Variants in CCDC171 observed in about 807,000 individuals in gnomAD.
CCDC171 encodes the protein coiled-coil domain-containing protein 171.
CCDC171 carries 177 observed loss-of-function variants against 168.2 expected under a neutral mutation model. The observed-to-expected ratio is 1.05, with a 90% CI of 0.93 to 1.19. The LOEUF is 1.19. CCDC171 is among the 50% of genes most tolerant of loss of function. The pLI is 0.00. For missense variants in CCDC171, 1,991 were observed against 1,539.0 expected, an observed-to-expected ratio of 1.29 and a Z score of -4.91; for synonymous variants, 687 against 540.8, an observed-to-expected ratio of 1.27 and a Z score of -3.75.
At chr9:16,015,132 G>T (rs1250897992) in intron 3 of CCDC171, among the ~76,000 whole-genome samples, 1 of 152,086 alleles carries the variant, frequency 6.6e-6, no homozygotes, top group Non-Finnish European at 1.5e-5. Context: ...AAAATCTGTT[G>T]TGTAGTATAG....
chr9:15,944,595 G>A (rs1486581434), intron 25 of CCDC171, among the ~76,000 whole-genome samples: 3 of 151,876 alleles, frequency 2.0e-5, no homozygotes, highest in African/African-American at 7.3e-5. Context: ...GCAAATATTT[G>A]AACACAGGCA....
intron 9 of CCDC171, among the ~76,000 whole-genome samples, chr9:15,670,779 A>G (rs539895959): frequency 1.3e-5 from 2 of 152,128 alleles, no homozygotes; most frequent in African/African-American, 4.8e-5. Flanking sequence ...TTATGTAACA[A>G]GAAACTTTGT....
chr9:15,902,327 C>T (rs1821820206), intron 24 of CCDC171, among the ~76,000 whole-genome samples: 1 of 150,446 alleles, frequency 6.6e-6, no homozygotes, highest in South Asian at 2.1e-4. Context: ...AATTTTCTAG[C>T]CACAGTGTCT....
At chr9:15,920,458 T>G (rs1013429024) in intron 25 of CCDC171, 36 bp downstream of exon 25, 2 of 1,462,190 alleles carry the variant, frequency 1.4e-6, no homozygotes, top group Non-Finnish European at 1.9e-6. Flanking sequence ...TATAACTTTT[T>G]GAATCTTGGG....
intron 9 of CCDC171, among the ~76,000 whole-genome samples, chr9:15,672,849 G>C (rs1225493075): frequency 6.6e-6 from 1 of 152,104 alleles, no homozygotes. Context: ...CTCTTTTTTG[G>C]TTCCATATGA....
In CCDC171 at chr9:15,726,745, T is replaced by A. The variant is rs79086274; in HGVS notation, c.1693-1124T>A. Among the ~76,000 whole-genome samples, 1,180 of 152,238 alleles carry A rather than the reference T, an allele frequency of 7.8e-3. 8 individuals carry two copies. Among genetic ancestry groups the A allele is most frequent in the Non-Finnish European group, 0.013 (873 of 67,996 alleles). On this transcript the variant is annotated intron_variant, in intron 14 of 25. Coordinates refer to ENST00000380701, the MANE Select transcript of CCDC171 (RefSeq NM_173550.4). ...TTTACATATGCTATATTCAGTTTTT[T>A]AAAAATCTATAATAGACTTTCTAAA... is the stretch of plus-strand genomic sequence containing the variant.
intron 6 of CCDC171, among the ~76,000 whole-genome samples, chr9:16,031,240 T>G (rs1007105535): frequency 1.3e-5 from 2 of 152,214 alleles, no homozygotes; most frequent in African/African-American, 4.8e-5. Context: ...CAATGCATGT[T>G]CCACATGTGT....
At chr9:16,054,358 G>T (rs977402172) in intron 1 of CCDC171, among the ~76,000 whole-genome samples, 1 of 152,206 alleles carries the variant, frequency 6.6e-6, no homozygotes, top group African/African-American at 2.4e-5. Context: ...TGGCACAAAG[G>T]CTTCCGCAGC....
At chr9:15,667,631 G>A (rs2048826566) in intron 9 of CCDC171, among the ~76,000 whole-genome samples, 1 of 152,076 alleles carries the variant, frequency 6.6e-6, no homozygotes, top group African/African-American at 2.4e-5. Context: ...GGGCAACAGA[G>A]GGAGACTGCA....
chr9:16,084,288 CT>C, the CCDC171 span, among the ~76,000 whole-genome samples: 6 of 152,118 alleles, frequency 3.9e-5, no homozygotes, highest in African/African-American at 1.4e-4. Context: ...CTCTTTCTCT[CT>C]CTGTCTTTGG....
Position 15,754,176 on chromosome 9 carries a change from T to A in CCDC171, c.2671+8545T>A, listed in dbSNP as rs576961652. ...TAAGAGCTTATATAGTCATGTGGAG[T>A]TTCCAATTTAGCATATGAATAACCT... On this transcript the variant is annotated intron_variant, in intron 18 of 25. Transcript: ENST00000380701. Among the ~76,000 whole-genome samples the A allele has an allele frequency of 3.9e-4, 60 of 152,046 alleles. 1 individual carries two copies. The highest frequency in any genetic ancestry group is 6.5e-4 in the Non-Finnish European group (44 of 67,992).
Position 15,944,576 on chromosome 9 carries a change from C to T in CCDC171, c.3753+24154C>T, listed in dbSNP as rs76971907. Reference sequence around the variant, plus strand: ...TCTTATTATGCTGTATTGCTTATTACGTATTGAAGCAAATATTTGAACACA... The same window carrying T: ...TCTTATTATGCTGTATTGCTTATTATGTATTGAAGCAAATATTTGAACACA... On this transcript the variant is annotated intron_variant, in intron 25 of 25. Transcript: ENST00000380701. Among the ~76,000 whole-genome samples, 36 of 152,036 alleles carry T rather than the reference C, an allele frequency of 2.4e-4. 1 individual carries two copies. In the East Asian group the frequency reaches 5.6e-3, roughly 24 times the overall value.
At chr9:15,629,193 C>T (rs1242572998) in intron 7 of CCDC171, among the ~76,000 whole-genome samples, 6 of 152,190 alleles carry the variant, frequency 3.9e-5, no homozygotes, top group Non-Finnish European at 7.4e-5. Context: ...ATGACTTTGA[C>T]GAGTTGAGAG....
intron 16 of CCDC171, among the ~76,000 whole-genome samples, chr9:15,734,521 C>T (rs754840448): frequency 6.6e-6 from 1 of 152,074 alleles, no homozygotes; most frequent in African/African-American, 2.4e-5. Context: ...CTGGGCGAAA[C>T]TCCAACAAGA....
At chr9:15,607,216 G>T (rs564299087) in intron 6 of CCDC171, among the ~76,000 whole-genome samples, 56 of 152,188 alleles carry the variant, frequency 3.7e-4, no homozygotes, top group African/African-American at 1.3e-3. Context: ...CCTAGATCAT[G>T]TTAGTGTGTG....
At position 15,819,272 on chromosome 9, in the gene CCDC171, G is replaced by T. The variant is rs2059675872; in HGVS notation, c.3268-27430G>T. 1.7e-5 allele frequency among the ~76,000 whole-genome samples: 2 copies of T among 117,958 alleles called. 1 individual carries two copies. The highest frequency in any genetic ancestry group is 3.8e-5 in the Non-Finnish European group (2 of 52,558). The allele number at this position is 117,958 out of a possible 152,430, so 77.4% of individuals were successfully genotyped here. On this transcript the variant is annotated intron_variant, in intron 21 of 25. Transcript: ENST00000380701. ...TTGTAAAGACCATCGAGGCTAGGAA[G>T]AAACTGCATCAACTAACGAGCAAAA...
chr9:15,599,514 A>T (rs981219763), intron 6 of CCDC171, among the ~76,000 whole-genome samples: 21 of 152,140 alleles, frequency 1.4e-4, no homozygotes, highest in African/African-American at 4.1e-4. Flanking sequence ...CTGCCGAGAG[A>T]TCCGCTGTTA....
chr9:15,587,734 T>G (rs913722530), intron 4 of CCDC171: 12 of 437,024 alleles, frequency 2.7e-5, no homozygotes, highest in Non-Finnish European at 5.1e-5. Context: ...ATTTATAGTT[T>G]CTAACTTTTA....
intron 1 of CCDC171, among the ~76,000 whole-genome samples, chr9:15,557,383 T>G (rs2038898365): frequency 6.6e-6 from 1 of 152,168 alleles, no homozygotes; most frequent in African/African-American, 2.4e-5. Context: ...GCATGGAATG[T>G]TCTTCCATTT....
Sources: gnomAD v4.1 joint callset for allele counts (sites outside exome capture counted in the v4.1 genomes callset) on GRCh38, gnomAD v4.1.1 for gene constraint, MANE v1.5 for transcripts, NCBI Gene and HGNC (gene_info 2026-07-23, HGNC 2026-07-21) for gene names.